Variants in STX8 observed in about 807,000 individuals in gnomAD.
STX8 encodes syntaxin 8.
Under a neutral mutation model 37.5 loss-of-function variants are expected in STX8, and 23 were observed. That is an observed-to-expected ratio of 0.61 (90% confidence interval 0.44 to 0.87). The LOEUF (loss-of-function observed/expected upper bound fraction) is 0.87. Ranked by LOEUF, STX8 falls within the 40% of genes least tolerant of loss-of-function variation. The pLI is 0.00. For synonymous variants in STX8, 115 were observed against 99.1 expected, an observed-to-expected ratio of 1.16 and a Z score of -0.95; for missense variants, 313 against 284.7, an observed-to-expected ratio of 1.10 and a Z score of -0.71.
At chr17:9,306,949 C>A (rs1909015839) in intron 7 of STX8, among the ~76,000 whole-genome samples, 1 of 150,306 alleles carries the variant, frequency 6.7e-6, no homozygotes, top group East Asian at 2.0e-4. Context: ...CATGGTGAAA[C>A]CCCATCTCTA....
intron 7 of STX8, among the ~76,000 whole-genome samples, chr17:9,252,621 A>AC (rs1390493115): frequency 1.3e-5 from 2 of 151,514 alleles, no homozygotes; most frequent in African/African-American, 4.8e-5. Context: ...AAAAAAAAAA[A>AC]AAAAGAAAAC....
intron 7 of STX8, among the ~76,000 whole-genome samples, chr17:9,286,413 T>A (rs1182127127): frequency 6.6e-6 from 1 of 152,122 alleles, no homozygotes; most frequent in Non-Finnish European, 1.5e-5. Context: ...AAAAATATTG[T>A]CTTGAACACT....
rs180890678 is a variant in STX8, at chr17:9,488,079, C to A, written c.541+3750G>T. On this transcript the variant is annotated intron_variant, in intron 6 of 7. Coordinates refer to ENST00000306357, the MANE Select transcript of STX8 (RefSeq NM_004853.3). The stretch of plus-strand genomic sequence containing the variant: ...CAGTGGCTCATGCCTGTAATCCCAG[C>A]ATTTTGAGAGGCCGAGGCGGGTAGA... Among the ~76,000 whole-genome samples, 304 of 152,216 alleles carry A rather than the reference C, an allele frequency of 2.0e-3. 3 individuals are homozygous for A. Among genetic ancestry groups the A allele is most frequent in the African/African-American group, 7.0e-3 (290 of 41,526 alleles).
At chr17:9,435,467 G>A (rs1904399296) in intron 6 of STX8, among the ~76,000 whole-genome samples, 2 of 152,162 alleles carry the variant, frequency 1.3e-5, no homozygotes, top group African/African-American at 4.8e-5. Flanking sequence ...GTCAGTTTCT[G>A]CTTAACGATA....
intron 7 of STX8, among the ~76,000 whole-genome samples, chr17:9,319,457 G>T (rs1479641278): frequency 6.6e-6 from 1 of 151,810 alleles, no homozygotes; most frequent in African/African-American, 2.4e-5. Flanking sequence ...AAACACTAAA[G>T]AAAAGAAAAA....
intron 3 of STX8, among the ~76,000 whole-genome samples, chr17:9,550,990 G>A (rs770799383): frequency 2.0e-5 from 3 of 152,168 alleles, no homozygotes; most frequent in African/African-American, 7.2e-5. Flanking sequence ...TAGGAGAATC[G>A]CTTGAACCTG....
intron 4 of STX8, among the ~76,000 whole-genome samples, chr17:9,516,298 CATATATATATATATATATATATAT>C (rs150682084): frequency 0.034 from 1,763 of 51,798 alleles, 148 homozygotes; most frequent in African/African-American, 0.097. Context: ...GAACCACAGT[CATATATATATATATATATATATAT>C]ATATATATAT....
At chr17:9,405,675 T>C (rs1339897409) in intron 6 of STX8, among the ~76,000 whole-genome samples, 1 of 152,064 alleles carries the variant, frequency 6.6e-6, no homozygotes, top group Non-Finnish European at 1.5e-5. Flanking sequence ...GTTTGGCTTT[T>C]CCCCCCACCA....
chr17:9,328,174 T>C (rs1909840524), intron 7 of STX8, among the ~76,000 whole-genome samples: 1 of 151,968 alleles, frequency 6.6e-6, no homozygotes. Context: ...AGAGAATTTA[T>C]TTATAACCAG....
chr17:9,251,997 C>G (rs770111805), intron 7 of STX8, among the ~76,000 whole-genome samples: 6 of 150,004 alleles, frequency 4.0e-5, no homozygotes, highest in Non-Finnish European at 8.8e-5. Flanking sequence ...AACCCCATCT[C>G]TATTAAAAAT....
At chr17:9,532,288 G>A (rs1905853089) in intron 4 of STX8, among the ~76,000 whole-genome samples, 1 of 152,126 alleles carries the variant, frequency 6.6e-6, no homozygotes, top group Non-Finnish European at 1.5e-5. Flanking sequence ...GTAGTTTCAA[G>A]ATACTTAAGA....
intron 4 of STX8, among the ~76,000 whole-genome samples, chr17:9,510,198 TCTCA>T (rs1466793487): frequency 4.6e-5 from 7 of 152,088 alleles, no homozygotes; most frequent in African/African-American, 1.7e-4. Context: ...GATTCTAACA[TCTCA>T]CTCTCAGCAT....
rs55853449 is a variant in STX8, at chr17:9,563,152, C to CATTTATTTATTT, written c.117+5207_117+5218dup. 4.4e-3 allele frequency among the ~76,000 whole-genome samples: 621 copies of CATTTATTTATTT among 142,078 alleles called. 2 individuals are homozygous for CATTTATTTATTT. Among genetic ancestry groups the CATTTATTTATTT allele is most frequent in the East Asian group, 9.5e-3 (46 of 4,842 alleles). 93.2% of individuals were successfully genotyped at this position (142,078 alleles called of 152,430 possible). A position where few individuals can be genotyped will look rare whatever the true frequency, so the allele number is the denominator to read the frequency against. On this transcript the variant is annotated intron_variant, in intron 2 of 7. Transcript: ENST00000306357. The stretch of plus-strand genomic sequence containing the variant: ...AGTATCTGTCATTCATTCATTCATC[C>CATTTATTTATTT]ATTTATTTATTTATTTATTTATTTA...
At chr17:9,359,963 G>A (rs1025131966) in intron 7 of STX8, among the ~76,000 whole-genome samples, 1 of 152,044 alleles carries the variant, frequency 6.6e-6, no homozygotes, top group South Asian at 2.1e-4. Flanking sequence ...AGGATTGAGG[G>A]ACAGGAGTGG....
chr17:9,546,974 C>T (rs1906554418), intron 3 of STX8, among the ~76,000 whole-genome samples: 1 of 151,236 alleles, frequency 6.6e-6, no homozygotes, highest in Non-Finnish European at 1.5e-5. Flanking sequence ...AAGGGCTGGA[C>T]GCGGTGGCTC....
intron 7 of STX8, among the ~76,000 whole-genome samples, chr17:9,282,746 C>T (rs186333274): frequency 6.6e-6 from 1 of 152,326 alleles, no homozygotes; most frequent in East Asian, 1.9e-4. Context: ...TCTGGCCAAC[C>T]TATATGGCCA....
chr17:9,478,355 C>T (rs1411973343), intron 6 of STX8, among the ~76,000 whole-genome samples: 2 of 152,080 alleles, frequency 1.3e-5, no homozygotes, highest in Admixed American at 6.5e-5. Context: ...AGGCTGGTCT[C>T]GAACTCCTGA....
chr17:9,486,723 A>T (rs1048208778), intron 6 of STX8, among the ~76,000 whole-genome samples: 2 of 151,880 alleles, frequency 1.3e-5, no homozygotes, highest in African/African-American at 4.8e-5. Context: ...GCCAGGTGCT[A>T]TGGTGCCGGC....
At chr17:9,448,717 G>A (rs1259662698) in intron 6 of STX8, among the ~76,000 whole-genome samples, 2 of 152,094 alleles carry the variant, frequency 1.3e-5, no homozygotes, top group Non-Finnish European at 2.9e-5. Flanking sequence ...ATGAGCTTGA[G>A]GGACCCTAAC....
Sources: gnomAD v4.1 joint callset for allele counts (sites outside exome capture counted in the v4.1 genomes callset) on GRCh38, gnomAD v4.1.1 for gene constraint, MANE v1.5 for transcripts, NCBI Gene and HGNC (gene_info 2026-07-23, HGNC 2026-07-21) for gene names.